Variants in SCGN observed in about 807,000 individuals in gnomAD.
SCGN encodes the protein secretagogin, EF-hand calcium binding protein.
SCGN carries 30 observed loss-of-function variants against 39.7 expected under a neutral mutation model. That is an observed-to-expected ratio of 0.76 (90% CI 0.57 to 1.03). The LOEUF is 1.03. Ranked by LOEUF, SCGN falls within the 50% of genes least tolerant of loss-of-function variation. The probability of loss-of-function intolerance (pLI) is 0.00; values close to 1 mark genes in which losing one functional copy is unlikely to be tolerated. For missense variants in SCGN, 353 were observed against 349.4 expected, an observed-to-expected ratio of 1.01 and a Z score of -0.08; for synonymous variants, 106 against 114.1, an observed-to-expected ratio of 0.93 and a Z score of 0.45.
rs1177578676 is a variant in SCGN at position 25,681,987 on chromosome 6, G to A, written c.508G>A (p.Asp170Asn). Residue 170 changes from aspartate (D) to asparagine (N), a missense_variant, in exon 7 of 11, where the codon GAT becomes AAT. Asp to Asn is a conservative substitution (Grantham distance 23, BLOSUM62 1). Transcript: ENST00000377961. Reference protein sequence around the residue: ...IFDRNKDGRLDLNDLARILAL... With the variant: ...IFDRNKDGRLNLNDLARILAL... ...TGACAGAAATAAAGATGGTCGGTTG[G>A]ATCTAAATGACTTAGCAAGGTGAGT... The A allele has an allele frequency of 1.2e-6, 2 of 1,613,366 alleles. No homozygotes were observed. Among genetic ancestry groups the A allele is most frequent in the South Asian group, 1.1e-5 (1 of 91,058 alleles).
intron 4 of SCGN, 109 bp downstream of exon 4, chr6:25,665,141 G>C (rs1263986911): frequency 3.7e-6 from 3 of 811,986 alleles, no homozygotes; most frequent in Non-Finnish European, 4.0e-6. Context: ...AGGGAGAGCT[G>C]AGCACAGAGG....
chr6:25,683,636 G>A (rs959656193), intron 7 of SCGN, among the ~76,000 whole-genome samples: 1 of 152,192 alleles, frequency 6.6e-6, no homozygotes, highest in African/African-American at 2.4e-5. Flanking sequence ...CAGTGTATAA[G>A]TGCTTGCATA....
At chr6:25,697,346 T>TA (rs1417653390) in intron 10 of SCGN, among the ~76,000 whole-genome samples, 1 of 152,202 alleles carries the variant, frequency 6.6e-6, no homozygotes, top group Non-Finnish European at 1.5e-5. Flanking sequence ...TTTGCATGGT[T>TA]ACAGAATAAG....
chr6:25,691,858 C>T (rs1416535000), intron 10 of SCGN, among the ~76,000 whole-genome samples: 4 of 152,250 alleles, frequency 2.6e-5, no homozygotes, highest in African/African-American at 9.6e-5. Context: ...ATTAGAGTAG[C>T]AATTATGAAC....
At chr6:25,691,587 G>A (rs1759774023) in intron 10 of SCGN, among the ~76,000 whole-genome samples, 1 of 152,088 alleles carries the variant, frequency 6.6e-6, no homozygotes, top group Admixed American at 6.5e-5. Context: ...ACATTGCTGA[G>A]GTTGGGGCGG....
intron 10 of SCGN, among the ~76,000 whole-genome samples, chr6:25,700,225 G>T (rs1271654145): frequency 1.6e-5 from 2 of 127,632 alleles, no homozygotes; most frequent in Non-Finnish European, 3.2e-5. Flanking sequence ...CAGCAGGGAC[G>T]GCTGCGACTT....
chr6:25,664,395 A>G (rs985652632), intron 3 of SCGN, among the ~76,000 whole-genome samples: 4 of 152,234 alleles, frequency 2.6e-5, no homozygotes, highest in Admixed American at 2.6e-4. Context: ...TGACTTCATC[A>G]CACACTAATT....
chr6:25,699,589 C>CA (rs35915067), intron 10 of SCGN, among the ~76,000 whole-genome samples: 2,695 of 53,120 alleles, frequency 0.051, 117 homozygotes, highest in African/African-American at 0.12. Flanking sequence ...AACTCTGTCT[C>CA]AAAAAAAAAA....
At chr6:25,699,039 A>AT (rs1759872656) in intron 10 of SCGN, among the ~76,000 whole-genome samples, 1 of 151,788 alleles carries the variant, frequency 6.6e-6, no homozygotes, top group African/African-American at 2.4e-5. Flanking sequence ...GTTTTTAGTG[A>AT]TTTTGTTTTT....
chr6:25,667,278 AT>A (rs1760439250), intron 4 of SCGN, among the ~76,000 whole-genome samples: 1 of 152,114 alleles, frequency 6.6e-6, no homozygotes, highest in African/African-American at 2.4e-5. Context: ...TTTTTTTTAA[AT>A]TCCACTTTTC....
Position 25,698,585 on chromosome 6 carries a change from C to T in SCGN, c.703-2622C>T, listed in dbSNP as rs145806528. ...CATTGCACTGTACAACAAATGAACT[C>T]CCACCAGGGGGTCTCAGAATGCAGC... On this transcript the variant is annotated intron_variant, in intron 10 of 10. Coordinates refer to ENST00000377961, the MANE Select transcript of SCGN (RefSeq NM_006998.4). Among the ~76,000 whole-genome samples the T allele has an allele frequency of 2.5e-4, 38 of 152,294 alleles. No homozygotes were observed. In the East Asian group the frequency reaches 7.1e-3, roughly 29 times the overall value.
chr6:25,692,632 G>A (rs1582588928), intron 10 of SCGN, among the ~76,000 whole-genome samples: 1 of 152,164 alleles, frequency 6.6e-6, no homozygotes, highest in Non-Finnish European at 1.5e-5. Flanking sequence ...TTTTTTCTCA[G>A]GTCAGAGGTG....
intron 1 of SCGN, 63 bp downstream of exon 1, chr6:25,652,548 A>G (rs575403723): frequency 1.0e-5 from 15 of 1,499,098 alleles, no homozygotes; most frequent in Admixed American, 6.7e-5. Context: ...AGCCCGCTGA[A>G]AGGACCTGGA....
intron 6 of SCGN, among the ~76,000 whole-genome samples, chr6:25,672,826 T>C (rs1759518441): frequency 6.6e-6 from 1 of 152,186 alleles, no homozygotes; most frequent in African/African-American, 2.4e-5. Context: ...TGATGGAAGA[T>C]GGCAACTTGG....
At chr6:25,697,527 A>G (rs1045209929) in intron 10 of SCGN, among the ~76,000 whole-genome samples, 7 of 152,258 alleles carry the variant, frequency 4.6e-5, no homozygotes, top group African/African-American at 1.7e-4. Context: ...GCTGGTTAAC[A>G]GAAGGCTTGG....
At chr6:25,660,894 C>T (rs1760323558) in intron 2 of SCGN, among the ~76,000 whole-genome samples, 1 of 152,220 alleles carries the variant, frequency 6.6e-6, no homozygotes, top group Non-Finnish European at 1.5e-5. Context: ...TTGGGATTAT[C>T]TATGCTTCTC....
chr6:25,674,099 C>A (rs1376616600), intron 6 of SCGN, among the ~76,000 whole-genome samples: 1 of 152,116 alleles, frequency 6.6e-6, no homozygotes, highest in African/African-American at 2.4e-5. Flanking sequence ...GAAATCTGCC[C>A]CCATGATTCA....
intron 6 of SCGN, among the ~76,000 whole-genome samples, chr6:25,676,706 G>T: frequency 6.6e-6 from 1 of 151,598 alleles, no homozygotes; most frequent in South Asian, 2.1e-4. Context: ...ATTTAACATA[G>T]GTAACATGTA....
intron 2 of SCGN, among the ~76,000 whole-genome samples, chr6:25,659,685 T>C (rs1193220499): frequency 6.6e-6 from 1 of 152,204 alleles, no homozygotes; most frequent in Non-Finnish European, 1.5e-5. Flanking sequence ...ATCTGGAAGG[T>C]AGAGAGTTTG....
Sources: gnomAD v4.1 joint callset for allele counts (sites outside exome capture counted in the v4.1 genomes callset) on GRCh38, gnomAD v4.1.1 for gene constraint, MANE v1.5 for transcripts, NCBI Gene and HGNC (gene_info 2026-07-23, HGNC 2026-07-21) for gene names.